Variants in LIMD1 observed in about 807,000 individuals in gnomAD.
LIMD1 encodes LIM domain-containing protein 1.
LIMD1 carries 23 observed loss-of-function variants against 58.4 expected under a neutral mutation model. The ratio of observed to expected loss-of-function variants is 0.39; its 90% confidence interval spans 0.28 to 0.56. The LOEUF is 0.56. LIMD1 is among the 20% of genes least tolerant of loss of function. LIMD1 has a pLI of 0.57. For synonymous variants in LIMD1, 334 were observed against 345.5 expected, an observed-to-expected ratio of 0.97 and a Z score of 0.37; for missense variants, 838 against 855.5, an observed-to-expected ratio of 0.98 and a Z score of 0.25.
chr3:45,644,944 G>T (rs567683706), intron 2 of LIMD1, among the ~76,000 whole-genome samples: 185 of 152,118 alleles, frequency 1.2e-3, no homozygotes, highest in Admixed American at 3.1e-3. Flanking sequence ...ATGGACTAAG[G>T]GCTTTAATCC....
chr3:45,673,449 C>T lies in LIMD1; in HGVS notation c.1773-5C>T. On this transcript the variant is annotated splice_polypyrimidine_tract_variant and splice_region_variant and intron_variant, in intron 5 of 7. Coordinates refer to ENST00000273317, the MANE Select transcript of LIMD1 (RefSeq NM_014240.3). ...CATTTATTGCTGCTTTGTTTCTCCC[C>T]ACAGGGTGCTGGCCCCCAAGTGTGC... 6.2e-7 allele frequency: 1 copy of T among 1,613,664 alleles called. No individual in the cohort carries two copies. Among genetic ancestry groups the T allele is most frequent in the Non-Finnish European group, 8.5e-7 (1 of 1,179,614 alleles).
At chr3:45,610,865 G>T (rs1385189428) in intron 1 of LIMD1, among the ~76,000 whole-genome samples, 1 of 152,174 alleles carries the variant, frequency 6.6e-6, no homozygotes, top group Non-Finnish European at 1.5e-5. Context: ...TGAAGACTTG[G>T]TATGGAGAAA....
chr3:45,672,760 A>T lies in LIMD1; in HGVS notation c.1712A>T (p.Asp571Val). ...FRCVICNECL[D>V]GVPFTVDSEN... Reference sequence around the variant, plus strand: ...TGTGTCATCTGTAATGAGTGTTTGGATGGGGTGCCCTTCACCGTGGACTCA... The same window carrying T: ...TGTGTCATCTGTAATGAGTGTTTGGTTGGGGTGCCCTTCACCGTGGACTCA... Residue 571 changes from aspartate (D) to valine (V), a missense_variant, in exon 5 of 8, where the codon GAT becomes GTT. Coordinates refer to ENST00000273317, the MANE Select transcript of LIMD1 (RefSeq NM_014240.3). 3 of 1,613,924 alleles carry T rather than the reference A, an allele frequency of 1.9e-6. No homozygotes were observed. The highest frequency in any genetic ancestry group is 2.5e-6 in the Non-Finnish European group (3 of 1,179,954).
chr3:45,646,866 A>G lies in LIMD1; in HGVS notation c.1510+10615A>G, dbSNP rs145435275. Among the ~76,000 whole-genome samples, 875 of 152,006 alleles carry G rather than the reference A, an allele frequency of 5.8e-3. 7 individuals are homozygous for G. The highest frequency in any genetic ancestry group is 0.02 in the African/African-American group (819 of 41,460). The stretch of plus-strand genomic sequence containing the variant: ...ATTTTTGTAGAGTTGGAGTCCCACT[A>G]TGTTGCCCAGATTGGTCTCAAACTC... On this transcript the variant is annotated intron_variant, in intron 2 of 7. Coordinates refer to ENST00000273317, the MANE Select transcript of LIMD1 (RefSeq NM_014240.3).
At chr3:45,645,823 A>C (rs78206515) in intron 2 of LIMD1, among the ~76,000 whole-genome samples, 4,602 of 151,546 alleles carry the variant, frequency 0.03, 77 homozygotes, top group Non-Finnish European at 0.041. Flanking sequence ...GCCCCTTCAG[A>C]TTCCTTCTCC....
intron 4 of LIMD1, among the ~76,000 whole-genome samples, chr3:45,670,950 C>T (rs1697579698): frequency 6.6e-6 from 1 of 152,168 alleles, no homozygotes; most frequent in African/African-American, 2.4e-5. Context: ...CATAGTCTCA[C>T]ATAAAAAAAG....
chr3:45,645,970 C>T (rs1866403), intron 2 of LIMD1, among the ~76,000 whole-genome samples: 38,852 of 149,634 alleles, frequency 0.26, 5,767 homozygotes, highest in East Asian at 0.54. Context: ...GCATTTATTG[C>T]AGTGAGCCGT....
Position 45,595,570 on chromosome 3 carries a change from C to A in LIMD1, c.691C>A (p.Gln231Lys). 1.2e-6 allele frequency: 2 copies of A among 1,614,144 alleles called. No homozygotes were observed. The highest frequency in any genetic ancestry group is 1.1e-5 in the South Asian group (1 of 91,082). Reference protein sequence around the residue: ...PCGDHPLNHRQLSLSSSRSSE... With the variant: ...PCGDHPLNHRKLSLSSSRSSE... ...CGGGGACCATCCCCTAAATCACCGA[C>A]AGCTCTCCCTGAGCTCCAGCAGGTC... Residue 231 changes from glutamine (Q) to lysine (K), a missense_variant, in exon 1 of 8, where the codon CAG (glutamine) becomes AAG (lysine). By Grantham distance (53) the Gln-to-Lys change is moderately conservative. Coordinates refer to ENST00000273317, the MANE Select transcript of LIMD1 (RefSeq NM_014240.3).
In LIMD1 at chr3:45,636,247, T is replaced by G. The variant is rs146835695; in HGVS notation, c.1506T>G (p.Ala502=). The G allele has an allele frequency of 1.7e-5, 27 of 1,605,086 alleles. No individual in the cohort carries two copies. In the African/African-American group the frequency reaches 3.2e-4, roughly 19 times the overall value. Residue 502 remains alanine, a synonymous_variant, in exon 2 of 8, where the codon GCT becomes GCG. Coordinates refer to ENST00000273317, the MANE Select transcript of LIMD1 (RefSeq NM_014240.3). Reference sequence around the variant, plus strand: ...ATGACACATGCTTCACCTGTGCAGCTTGCAGTAAGTGTGGGTGTGGGTGTC... The same window carrying G: ...ATGACACATGCTTCACCTGTGCAGCGTGCAGTAAGTGTGGGTGTGGGTGTC... The part of the protein sequence containing the change: ...LYHDTCFTCA[A]CSRKLRGKAF...
At position 45,673,474 on chromosome 3, in the gene LIMD1, C is replaced by T. The variant is rs763493840; in HGVS notation, c.1793C>T (p.Ala598Val). The change falls in exon 6 of 8, where the codon GCA becomes GTA. Residue 598 changes from alanine to valine, a missense_variant. Coordinates refer to ENST00000273317, the MANE Select transcript of LIMD1 (RefSeq NM_014240.3). ...CACAGGGTGCTGGCCCCCAAGTGTG[C>T]AGCCTGTGGGCTTCCCATCCTTCCA... ...DYHKVLAPKC[A>V]ACGLPILPPE... 1.2e-6 allele frequency: 2 copies of T among 1,613,936 alleles called. No individual in the cohort carries two copies. The highest frequency in any genetic ancestry group is 1.7e-6 in the Non-Finnish European group (2 of 1,179,828).
At chr3:45,666,131 C>G (rs139763127) in intron 3 of LIMD1, among the ~76,000 whole-genome samples, 3,249 of 152,316 alleles carry the variant, frequency 0.021, 49 homozygotes, top group Non-Finnish European at 0.035. Context: ...CTGAGGCCAG[C>G]TGCTGGCATC....
At chr3:45,642,727 A>G (rs1038805990) in intron 2 of LIMD1, among the ~76,000 whole-genome samples, 1 of 152,188 alleles carries the variant, frequency 6.6e-6, no homozygotes, top group Non-Finnish European at 1.5e-5. Flanking sequence ...AGGTTGTTAC[A>G]CACAGCCCCA....
chr3:45,679,479 T>C lies in LIMD1; in HGVS notation c.*2420T>C, dbSNP rs1279300905. The C allele has an allele frequency of 6.6e-6, 1 of 152,218 alleles. No individual in the cohort carries two copies. The highest frequency in any genetic ancestry group is 1.5e-5 in the Non-Finnish European group (1 of 68,046). 9.4% of individuals were successfully genotyped at this position (152,218 alleles called of 1,614,324 possible). Reference sequence around the variant, plus strand: ...GCCAAATAGAACTGTAATGGGGTTGTATTTATGGGCGCCTAGAAAGAAAAC... The same window carrying C: ...GCCAAATAGAACTGTAATGGGGTTGCATTTATGGGCGCCTAGAAAGAAAAC... On this transcript the variant is annotated 3_prime_UTR_variant, in exon 8 of 8. Transcript: ENST00000273317.
At chr3:45,646,106 G>A (rs1458859975) in intron 2 of LIMD1, among the ~76,000 whole-genome samples, 1 of 152,096 alleles carries the variant, frequency 6.6e-6, no homozygotes, top group Non-Finnish European at 1.5e-5. Flanking sequence ...GCTGCACGTG[G>A]CTGTCTTCTT....
chr3:45,642,204 CTTGCTCTGTCGT>C (rs975272211), intron 2 of LIMD1, among the ~76,000 whole-genome samples: 13 of 149,936 alleles, frequency 8.7e-5, no homozygotes, highest in Non-Finnish European at 1.6e-4. Flanking sequence ...GAGACTGGGT[CTTGCTCTGTCGT>C]ACAAGCTGGA....
At chr3:45,644,009 A>G (rs753030100) in intron 2 of LIMD1, among the ~76,000 whole-genome samples, 2 of 152,246 alleles carry the variant, frequency 1.3e-5, no homozygotes, top group Non-Finnish European at 1.5e-5. Flanking sequence ...CCGAATGTCC[A>G]TGGCTGTTGA....
chr3:45,676,972 G>A lies in LIMD1; in HGVS notation c.1944G>A (p.Leu648=). The change falls in exon 8 of 8, where the codon CTG becomes CTA. Residue 648 remains leucine (L), a synonymous_variant. Transcript: ENST00000273317. The part of the protein sequence containing the change: ...NDEDGHRCYP[L]EDHLFCHSCH... ...AAGATGGCCACCGCTGTTATCCGCT[G>A]GAGGACCACCTGTTCTGTCACTCCT... 9 of 1,614,122 alleles carry A rather than the reference G, an allele frequency of 5.6e-6. No homozygotes were observed. Among genetic ancestry groups the A allele is most frequent in the Non-Finnish European group, 7.6e-6 (9 of 1,179,980 alleles).
rs180797420 is a variant in LIMD1 at position 45,656,592 on chromosome 3, A to G, written c.1511-9058A>G. Among the ~76,000 whole-genome samples the G allele has an allele frequency of 1.7e-4, 25 of 151,466 alleles. No homozygotes were observed. The East Asian group carries it at 4.8e-3, about 29-fold the overall frequency. On this transcript the variant is annotated intron_variant, in intron 2 of 7. Coordinates refer to ENST00000273317, the MANE Select transcript of LIMD1 (RefSeq NM_014240.3). ...GAGTGCAGTGGTGCAATCTCGGCTC[A>G]CTGCAACCTCGGCCTCCCGGGTTCA...
chr3:45,627,706 CAAAAAAAAAAAAA>C (rs35897504), intron 1 of LIMD1, among the ~76,000 whole-genome samples: 5 of 97,200 alleles, frequency 5.1e-5, no homozygotes, highest in African/African-American at 7.8e-5. Context: ...CTAAAACAAC[CAAAAAAAAAAAAA>C]AAAAAAGGCC....
Sources: gnomAD v4.1 joint callset for allele counts (sites outside exome capture counted in the v4.1 genomes callset) on GRCh38, gnomAD v4.1.1 for gene constraint, MANE v1.5 for transcripts, NCBI Gene and HGNC (gene_info 2026-07-23, HGNC 2026-07-21) for gene names.